NLRP14: variants seen among roughly 807,000 people sequenced by gnomAD.
The protein encoded by NLRP14 is NLR family pyrin domain containing 14.
NLRP14 carries 105 observed loss-of-function variants against 94.7 expected under a neutral mutation model. The observed-to-expected ratio is 1.11, with a 90% CI of 0.95 to 1.30. The LOEUF is 1.30. NLRP14 is among the 50% of genes most tolerant of loss of function. NLRP14 has a pLI of 0.00. For synonymous variants in NLRP14, 508 were observed against 459.9 expected, an observed-to-expected ratio of 1.10 and a Z score of -1.34; for missense variants, 1,362 against 1,254.1, an observed-to-expected ratio of 1.09 and a Z score of -1.30.
chr11:7,065,243 T>C (rs1319511760), intron 10 of NLRP14, among the ~76,000 whole-genome samples: 1 of 152,122 alleles, frequency 6.6e-6, no homozygotes, highest in Non-Finnish European at 1.5e-5. Context: ...CAATAAAGCT[T>C]AGTAATTTTT....
At chr11:7,031,463 G>A (rs72849523) in intron 1 of NLRP14, among the ~76,000 whole-genome samples, 51 of 152,306 alleles carry the variant, frequency 3.3e-4, no homozygotes, top group Non-Finnish European at 6.8e-4. Context: ...ACGGTCACCT[G>A]CAAGTAGTCT....
At chr11:7,047,716 T>C (rs575409412) in intron 5 of NLRP14, among the ~76,000 whole-genome samples, 1 of 152,180 alleles carries the variant, frequency 6.6e-6, no homozygotes, top group African/African-American at 2.4e-5. Flanking sequence ...TTTGATTGAT[T>C]TATACAGTAT....
chr11:7,076,487 T>G (rs1250095870), downstream of NLRP14, among the ~76,000 whole-genome samples: 1 of 152,204 alleles, frequency 6.6e-6, no homozygotes, highest in Non-Finnish European at 1.5e-5. Flanking sequence ...TCTCTTTTAT[T>G]ATAAGCATTA....
At chr11:7,088,834 C>A in the NLRP14 span, among the ~76,000 whole-genome samples, 1 of 152,126 alleles carries the variant, frequency 6.6e-6, no homozygotes, top group Non-Finnish European at 1.5e-5. Flanking sequence ...TTCAGGAGGC[C>A]ATTGAAGCCG....
chr11:7,068,439 A>G (rs141909162), intron 10 of NLRP14, among the ~76,000 whole-genome samples: 356 of 152,238 alleles, frequency 2.3e-3, no homozygotes, highest in African/African-American at 8.2e-3. Flanking sequence ...AGTCCACAAT[A>G]TTTGTAAACT....
intron 10 of NLRP14, among the ~76,000 whole-genome samples, chr11:7,064,864 T>C (rs1039153285): frequency 1.3e-5 from 2 of 151,982 alleles, no homozygotes; most frequent in Admixed American, 6.6e-5. Flanking sequence ...TTATCCCCTC[T>C]GCTTGGTAGG....
the NLRP14 span, chr11:7,089,947 G>A: frequency 6.2e-7 from 1 of 1,613,086 alleles, no homozygotes; most frequent in Non-Finnish European, 8.5e-7. Context: ...CATCTGAGCA[G>A]AGGCTCCCAT....
intron 1 of NLRP14, among the ~76,000 whole-genome samples, chr11:7,033,860 T>C (rs1852127900): frequency 1.3e-5 from 2 of 152,322 alleles, no homozygotes; most frequent in Admixed American, 6.5e-5. Context: ...CTCACTTTGT[T>C]TTTTCTTATG....
At chr11:7,027,367 C>A (rs1483720997) in intron 1 of NLRP14, among the ~76,000 whole-genome samples, 1 of 151,994 alleles carries the variant, frequency 6.6e-6, no homozygotes, top group African/African-American at 2.4e-5. Context: ...TTAGTGAGGG[C>A]CACTTCCTGG....
chr11:7,025,158 A>G (rs570834732), intron 1 of NLRP14, among the ~76,000 whole-genome samples: 5 of 152,312 alleles, frequency 3.3e-5, no homozygotes, highest in African/African-American at 1.2e-4. Context: ...TATAATTTCT[A>G]TACTGTGAGG....
At chr11:7,048,149 G>T (rs958360196) in intron 5 of NLRP14, among the ~76,000 whole-genome samples, 3 of 152,044 alleles carry the variant, frequency 2.0e-5, no homozygotes, top group African/African-American at 7.2e-5. Context: ...TTGCTGATTA[G>T]TATTCCATTG....
the NLRP14 span, among the ~76,000 whole-genome samples, chr11:7,078,905 T>A: frequency 0.013 from 2,027 of 152,330 alleles, 29 homozygotes; most frequent in Middle Eastern, 0.068. Context: ...TCCACATGTC[T>A]GGACCATTGA....
At position 7,043,245 on chromosome 11, in the gene NLRP14, T is replaced by A. The variant is rs1852293294; in HGVS notation, c.1219T>A (p.Leu407Met). 6.2e-7 allele frequency: 1 copy of A among 1,614,050 alleles called. No individual in the cohort carries two copies. The highest frequency in any genetic ancestry group is 1.3e-5 in the African/African-American group (1 of 74,928). The part of the protein sequence containing the change: ...TALFTCYISS[L>M]FTPVDGGSPS... ...TCTGTTTACCTGCTATATTTCTAGC[T>A]TGTTCACACCAGTAGATGGAGGCTC... The change falls in exon 4 of 12, where the codon TTG becomes ATG. Residue 407 changes from leucine (L) to methionine (M), a missense_variant. Coordinates refer to ENST00000299481, the MANE Select transcript of NLRP14 (RefSeq NM_176822.4).
intron 10 of NLRP14, among the ~76,000 whole-genome samples, chr11:7,067,658 A>T (rs540346282): frequency 1.6e-4 from 24 of 152,124 alleles, no homozygotes; most frequent in Non-Finnish European, 3.2e-4. Context: ...TTGGAGTAAA[A>T]CCAACTTGGA....
intron 10 of NLRP14, among the ~76,000 whole-genome samples, chr11:7,065,275 G>A (rs556805698): frequency 6.6e-6 from 1 of 152,124 alleles, no homozygotes; most frequent in South Asian, 2.1e-4. Flanking sequence ...CTTGTATTTT[G>A]TTACTGGTTA....
At chr11:7,034,458 G>A (rs751986759) in intron 1 of NLRP14, among the ~76,000 whole-genome samples, 4 of 152,136 alleles carry the variant, frequency 2.6e-5, no homozygotes, top group Admixed American at 2.6e-4. Context: ...ATTGGCAAAT[G>A]GTACAGTTAG....
chr11:7,021,627 T>C (rs1376818941), intron 1 of NLRP14, among the ~76,000 whole-genome samples: 1 of 152,064 alleles, frequency 6.6e-6, no homozygotes, highest in South Asian at 2.1e-4. Flanking sequence ...AATTGCAATG[T>C]ATTTATTTAT....
chr11:7,067,498 TTGTC>T (rs1382561964), intron 10 of NLRP14, among the ~76,000 whole-genome samples: 1 of 152,048 alleles, frequency 6.6e-6, no homozygotes, highest in Non-Finnish European at 1.5e-5. Context: ...ATTTGGCTCT[TTGTC>T]TGTTATTGGT....
chr11:7,079,520 A>C, the NLRP14 span, among the ~76,000 whole-genome samples: 1 of 152,278 alleles, frequency 6.6e-6, no homozygotes, highest in Non-Finnish European at 1.5e-5. Flanking sequence ...TATTATAAGT[A>C]TACATTAAAA....
Sources: gnomAD v4.1 joint callset for allele counts (sites outside exome capture counted in the v4.1 genomes callset) on GRCh38, gnomAD v4.1.1 for gene constraint, MANE v1.5 for transcripts, NCBI Gene and HGNC (gene_info 2026-07-23, HGNC 2026-07-21) for gene names.